FHIT: variants seen among roughly 807,000 people sequenced by gnomAD.
FHIT encodes the protein fragile histidine triad diadenosine triphosphatase, also known as bis(5'-adenosyl)-triphosphatase.
A neutral mutation model predicts 17.9 loss-of-function variants in FHIT; 19 were observed. That is an observed-to-expected ratio of 1.06 (90% CI 0.74 to 1.56). The LOEUF is 1.56. Ranked by LOEUF, FHIT falls within the 40% of genes most tolerant of loss-of-function variation. The pLI is 0.00. For synonymous variants in FHIT, 81 were observed against 69.7 expected (o/e 1.16, Z -0.81); for missense variants, 248 against 189.2 (o/e 1.31, Z -1.82).
intron 4 of FHIT, among the ~76,000 whole-genome samples, chr3:60,583,980 A>T (rs782802468): frequency 1.3e-4 from 20 of 152,108 alleles, no homozygotes; most frequent in Non-Finnish European, 2.4e-4. Flanking sequence ...TCTGAAAATG[A>T]TCCAGAAGGT....
At chr3:61,106,441 C>G (rs2035990491) in intron 2 of FHIT, among the ~76,000 whole-genome samples, 1 of 152,074 alleles carries the variant, frequency 6.6e-6, no homozygotes, top group African/African-American at 2.4e-5. Flanking sequence ...GTATGTTTTA[C>G]CAGCATCTCC....
intron 4 of FHIT, among the ~76,000 whole-genome samples, chr3:60,786,125 T>C (rs1700567221): frequency 6.6e-6 from 1 of 152,210 alleles, no homozygotes; most frequent in Non-Finnish European, 1.5e-5. Context: ...TAGAAATTGA[T>C]AGTAAAAAAT....
intron 5 of FHIT, among the ~76,000 whole-genome samples, chr3:60,442,582 T>C (rs1400719723): frequency 6.6e-6 from 1 of 152,164 alleles, no homozygotes; most frequent in African/African-American, 2.4e-5. Context: ...CAGATAGTTG[T>C]AGATGTGTGG....
At chr3:60,796,227 A>G (rs1319692385) in intron 4 of FHIT, among the ~76,000 whole-genome samples, 1 of 152,238 alleles carries the variant, frequency 6.6e-6, no homozygotes, top group African/African-American at 2.4e-5. Context: ...TAATGGGGAC[A>G]CAGCGAAACC....
intron 4 of FHIT, among the ~76,000 whole-genome samples, chr3:60,785,448 C>A (rs1264775938): frequency 6.6e-6 from 1 of 152,172 alleles, no homozygotes; most frequent in Non-Finnish European, 1.5e-5. Flanking sequence ...AAGAGAAGTG[C>A]CTCTGGATTC....
At chr3:60,754,121 T>TA (rs1432959717) in intron 4 of FHIT, among the ~76,000 whole-genome samples, 1 of 152,170 alleles carries the variant, frequency 6.6e-6, no homozygotes, top group African/African-American at 2.4e-5. Flanking sequence ...ATACAAGGGA[T>TA]CTGGCCTTAC....
chr3:59,893,850 T>G (rs1703955628), intron 8 of FHIT, among the ~76,000 whole-genome samples: 1 of 152,186 alleles, frequency 6.6e-6, no homozygotes, highest in Non-Finnish European at 1.5e-5. Context: ...GGCAAAGAGT[T>G]TTCATCTCAA....
intron 9 of FHIT, chr3:59,750,542 C>A: frequency 4.4e-6 from 1 of 225,506 alleles, no homozygotes; most frequent in Non-Finnish European, 8.8e-6. Flanking sequence ...GGAAAAGGTT[C>A]AAAATAAAAT....
rs113322004 is a variant in FHIT at position 60,360,959 on chromosome 3, C to T, written c.103+175901G>A. 5.3e-3 allele frequency among the ~76,000 whole-genome samples: 800 copies of T among 152,320 alleles called. 1 individual carries two copies. The highest frequency in any genetic ancestry group is 8.3e-3 in the Non-Finnish European group (563 of 68,024). ...AGTCTGAATTATTGAAAAAGCCTTC[C>T]GTCCGACCCATGTGATTCCTACTTT... On this transcript the variant is annotated intron_variant, in intron 5 of 9. Transcript: ENST00000492590.
At chr3:60,519,268 T>C (rs187361645) in intron 5 of FHIT, among the ~76,000 whole-genome samples, 1 of 152,214 alleles carries the variant, frequency 6.6e-6, no homozygotes, top group Non-Finnish European at 1.5e-5. Flanking sequence ...ACACTTGATA[T>C]AAACTAGACT....
At chr3:60,578,624 C>A (rs2037652521) in intron 4 of FHIT, among the ~76,000 whole-genome samples, 1 of 152,096 alleles carries the variant, frequency 6.6e-6, no homozygotes, top group Non-Finnish European at 1.5e-5. Flanking sequence ...AAGGTTTTGT[C>A]ATGAGGAGGA....
At chr3:60,317,397 T>G (rs1311814843) in intron 5 of FHIT, among the ~76,000 whole-genome samples, 1 of 151,578 alleles carries the variant, frequency 6.6e-6, no homozygotes, top group Admixed American at 6.6e-5. Context: ...AATGGTCTAT[T>G]AGAATTCCTC....
chr3:59,896,661 T>C (rs1189179171), intron 8 of FHIT, among the ~76,000 whole-genome samples: 2 of 152,218 alleles, frequency 1.3e-5, no homozygotes, highest in Middle Eastern at 3.2e-3. Flanking sequence ...TCTTAATACA[T>C]AACCATAGCA....
intron 5 of FHIT, among the ~76,000 whole-genome samples, chr3:60,401,533 T>C (rs1482778323): frequency 6.6e-6 from 1 of 152,108 alleles, no homozygotes; most frequent in Non-Finnish European, 1.5e-5. Context: ...TTGGATAAGG[T>C]CAGCTCTTAT....
intron 5 of FHIT, among the ~76,000 whole-genome samples, chr3:60,408,125 T>G (rs1279315014): frequency 6.6e-6 from 1 of 152,200 alleles, no homozygotes; most frequent in Admixed American, 6.5e-5. Context: ...TATATGTGTG[T>G]AACACACAGG....
intron 8 of FHIT, among the ~76,000 whole-genome samples, chr3:59,909,827 A>G (rs1251128230): frequency 5.3e-5 from 8 of 152,190 alleles, no homozygotes; most frequent in Admixed American, 3.9e-4. Flanking sequence ...GTGACCCCTG[A>G]TGTTTCCTTC....
chr3:59,804,021 C>T (rs968640707), intron 8 of FHIT, among the ~76,000 whole-genome samples: 4 of 152,168 alleles, frequency 2.6e-5, no homozygotes, highest in African/African-American at 9.7e-5. Context: ...GTAGGGCTTC[C>T]AGCATTTTAA....
At chr3:60,056,434 A>G (rs1268746831) in intron 5 of FHIT, among the ~76,000 whole-genome samples, 1 of 152,192 alleles carries the variant, frequency 6.6e-6, no homozygotes, top group African/African-American at 2.4e-5. Flanking sequence ...TCCCGATTCT[A>G]TTGTTTGCAG....
At position 60,774,233 on chromosome 3, in the gene FHIT, T is replaced by C. The variant is rs183538207; in HGVS notation, c.-18+47686A>G. ...CAAGAATCCCAGTGGATGCCTGAAA[T>C]CCTGTATAGTCCTAAACCCTATACA... On this transcript the variant is annotated intron_variant, in intron 4 of 9. Transcript: ENST00000492590. 3.5e-4 allele frequency among the ~76,000 whole-genome samples: 53 copies of C among 152,304 alleles called. No individual in the cohort carries two copies. The East Asian group carries it at 8.7e-3, about 25-fold the overall frequency.
Sources: gnomAD v4.1 joint callset for allele counts (sites outside exome capture counted in the v4.1 genomes callset) on GRCh38, gnomAD v4.1.1 for gene constraint, MANE v1.5 for transcripts, NCBI Gene and HGNC (gene_info 2026-07-23, HGNC 2026-07-21) for gene names.